The following RTL1 variants were observed in gnomAD, a reference collection of about 807,000 sequenced individuals.
RTL1 encodes retrotransposon Gag like 1, also known as retrotransposon-like protein 1.
For missense variants in RTL1, 1,681 were observed against 1,767.5 expected, an observed-to-expected ratio of 0.95 and a Z score of 0.88; for synonymous variants, 727 against 748.4, an observed-to-expected ratio of 0.97 and a Z score of 0.47.
At chr14:100,885,070 C>A (rs1364334359) in intron 3 of RTL1, among the ~76,000 whole-genome samples, 196 bp from the exon 4 acceptor site, 1 of 152,244 alleles carries the variant, frequency 6.6e-6, no homozygotes, top group Non-Finnish European at 1.5e-5. Context: ...ATCTGTCAAC[C>A]CCTGACCTGC....
In RTL1 at chr14:100,884,756, C is replaced by T. The variant is rs371763274; in HGVS notation, c.33G>A (p.Thr11=). 6.3e-6 allele frequency: 10 copies of T among 1,595,272 alleles called. No individual in the cohort carries two copies. Among genetic ancestry groups the T allele is most frequent in the African/African-American group, 2.7e-5 (2 of 73,906 alleles). MIEPSEDSFE[T]MMEHKNPSSK... The stretch of plus-strand genomic sequence containing the variant: ...ATGATGGATTCTTATGCTCCATCAT[C>T]GTCTCAAATGAGTCTTCAGAGGGTT... Residue 11 remains threonine, a synonymous_variant, in exon 4 of 4, where the codon ACG becomes ACA. Coordinates refer to ENST00000649591, the MANE Select transcript of RTL1 (RefSeq NM_001134888.3).
At chr14:100,897,763 T>TGGGGGGGGG (rs1566760864) in intron 2 of RTL1, 10 of 26,742 alleles carry the variant, frequency 3.7e-4, no homozygotes, top group African/African-American at 5.8e-4. Flanking sequence ...GGGGGGGGGG[T>TGGGGGGGGG]GGGGGGGTGG....
chr14:100,882,718 C>G lies in RTL1; in HGVS notation c.2071G>C (p.Gly691Arg). The G allele has an allele frequency of 6.4e-7, 1 of 1,551,968 alleles. No homozygotes were observed. Among genetic ancestry groups the G allele is most frequent in the Non-Finnish European group, 8.7e-7 (1 of 1,147,070 alleles). The change falls in exon 4 of 4, where the codon GGT (glycine) becomes CGT (arginine). Residue 691 changes from glycine to arginine, a missense_variant. By Grantham distance (125) the Gly-to-Arg change is moderately radical. Coordinates refer to ENST00000649591, the MANE Select transcript of RTL1 (RefSeq NM_001134888.3). ...CTCTTCATCTCTTCAAGCTCCAAAC[C>G]AAACGCTGCTTTCCACACATCTTCG... ...RTEDVWKAAF[G>R]LELEEMKSYQ...
chr14:100,897,782 G>GGGGGGGA (rs2038887536), intron 2 of RTL1: 1 of 168,950 alleles, frequency 5.9e-6, no homozygotes, highest in African/African-American at 3.1e-5. Context: ...GGGGGGCGGG[G>GGGGGGGA]GGGGGCAGTG....
chr14:100,894,320 A>G (rs1379386993), intron 2 of RTL1, among the ~76,000 whole-genome samples: 2 of 141,692 alleles, frequency 1.4e-5, no homozygotes, highest in African/African-American at 2.5e-5. Flanking sequence ...AAAAAAAAAA[A>G]AAAAAAGAAA....
intron 3 of RTL1, among the ~76,000 whole-genome samples, chr14:100,888,640 G>C (rs2038726477): frequency 6.6e-6 from 1 of 152,120 alleles, no homozygotes; most frequent in Admixed American, 6.5e-5. Flanking sequence ...CATAAAATGT[G>C]AATTTTATTT....
intron 3 of RTL1, among the ~76,000 whole-genome samples, chr14:100,891,318 C>T (rs965256946): frequency 8.5e-5 from 13 of 152,318 alleles, no homozygotes; most frequent in African/African-American, 2.6e-4. Flanking sequence ...TGGTCTGGAC[C>T]GAGGTCCTTG....
chr14:100,893,531 T>A lies in RTL1; in HGVS notation c.-148-26A>T, dbSNP rs1390590783. Among the ~76,000 whole-genome samples, 7 of 152,228 alleles carry A rather than the reference T, an allele frequency of 4.6e-5. No homozygotes were observed. Among genetic ancestry groups the A allele is most frequent in the Admixed American group, 4.6e-4 (7 of 15,282 alleles). On this transcript the variant is annotated intron_variant, in intron 2 of 3. Coordinates refer to ENST00000649591, the MANE Select transcript of RTL1 (RefSeq NM_001134888.3). The surrounding 1 kb of genome is among the most constrained non-coding windows in gnomAD (Gnocchi z 4.2). ...CTAAAAAGTTATTGAATACATTTGT[T>A]TCTTTAATTGTGAAAGTCCAGTCTT...
Position 100,882,383 on chromosome 14 carries a change from G to A in RTL1, c.2406C>T (p.Thr802=). 6.4e-7 allele frequency: 1 copy of A among 1,551,782 alleles called. No homozygotes were observed. The highest frequency in any genetic ancestry group is 8.7e-7 in the Non-Finnish European group (1 of 1,146,986). Residue 802 remains threonine, a synonymous_variant, in exon 4 of 4, where the codon ACC becomes ACT. Coordinates refer to ENST00000649591, the MANE Select transcript of RTL1 (RefSeq NM_001134888.3). ...NVMTIITGYP[T]PGSKLSLRNF... is the part of the protein sequence containing the mutation. ...TTCGCAGAGATAGCTTGGAGCCAGGGGTAGGGTACCCTGTTATGATGGTCA... is the reference window on the plus strand; with the variant it reads ...TTCGCAGAGATAGCTTGGAGCCAGGAGTAGGGTACCCTGTTATGATGGTCA...
chr14:100,900,614 C>T (rs1013354400), intron 2 of RTL1, among the ~76,000 whole-genome samples: 1 of 152,154 alleles, frequency 6.6e-6, no homozygotes, highest in Non-Finnish European at 1.5e-5. Flanking sequence ...AGTGTTCCCT[C>T]CGTGTCCGGC....
At position 100,880,865 on chromosome 14, in the gene RTL1, C is replaced by T. The variant is rs1355118428; in HGVS notation, c.3924G>A (p.Leu1308=). Residue 1308 remains leucine, a synonymous_variant, in exon 4 of 4, where the codon CTG becomes CTA. Transcript: ENST00000649591. ...CCCTGGCTGCCTGCTCCCGGCTGAGCAGGTGCAGCTGGCCATCTGCACTGT... is the reference window on the plus strand; with the variant it reads ...CCCTGGCTGCCTGCTCCCGGCTGAGTAGGTGCAGCTGGCCATCTGCACTGT... The part of the protein sequence containing the change: ...HIHSADGQLH[L]LSREQAARAL... 3 of 1,527,648 alleles carry T rather than the reference C, an allele frequency of 2.0e-6. No individual in the cohort carries two copies. Among genetic ancestry groups the T allele is most frequent in the East Asian group, 2.5e-5 (1 of 39,404 alleles). 94.6% of individuals were successfully genotyped at this position (1,527,648 alleles called of 1,614,324 possible).
Position 100,882,338 on chromosome 14 carries a change from G to T in RTL1, c.2451C>A (p.Phe817Leu), listed in dbSNP as rs1235524455. Reference protein sequence around the residue: ...LSLRNFIEFVFPYRHFVERFS... With the variant: ...LSLRNFIEFVLPYRHFVERFS... The stretch of plus-strand genomic sequence containing the variant: ...AGCGCTCCACGAAGTGGCGGTAGGG[G>T]AAGACGAATTCGATGAAGTTTCGCA... Residue 817 changes from phenylalanine to leucine, a missense_variant, in exon 4 of 4, where the codon TTC becomes TTA. Transcript: ENST00000649591. The T allele has an allele frequency of 1.3e-6, 2 of 1,551,704 alleles. No homozygotes were observed. Among genetic ancestry groups the T allele is most frequent in the Non-Finnish European group, 1.7e-6 (2 of 1,146,994 alleles).
chr14:100,884,495 G>A lies in RTL1; in HGVS notation c.294C>T (p.Asp98=), dbSNP rs751262749. Reference sequence around the variant, plus strand: ...GTGAACCGTTGCATGACTCCTCCAGGTCTTGGAGTAGGTCATTGGGTGGAT... The same window carrying A: ...GTGAACCGTTGCATGACTCCTCCAGATCTTGGAGTAGGTCATTGGGTGGAT... ...IEDPPNDLLQ[D]LEESCNGSHQ... Residue 98 remains aspartate (D), a synonymous_variant, in exon 4 of 4, where the codon GAC becomes GAT. Coordinates refer to ENST00000649591, the MANE Select transcript of RTL1 (RefSeq NM_001134888.3). 8 of 1,614,184 alleles carry A rather than the reference G, an allele frequency of 5.0e-6. No homozygotes were observed. Among genetic ancestry groups the A allele is most frequent in the Non-Finnish European group, 6.8e-6 (8 of 1,180,036 alleles).
At chr14:100,885,681 G>A (rs1330970497) in intron 3 of RTL1, among the ~76,000 whole-genome samples, 1 of 152,094 alleles carries the variant, frequency 6.6e-6, no homozygotes, top group Non-Finnish European at 1.5e-5. Flanking sequence ...GAGCTGTTGA[G>A]GAGATCTTCA....
Position 100,882,808 on chromosome 14 carries a change from C to T in RTL1, c.1981G>A (p.Glu661Lys). Residue 661 changes from glutamate to lysine, a missense_variant, in exon 4 of 4, where the codon GAG (glutamate) becomes AAG (lysine). By Grantham distance (56) the Glu-to-Lys change is moderately conservative. Transcript: ENST00000649591. Reference protein sequence around the residue: ...PELFDQLHGAEWFTKLELRGT... With the variant: ...PELFDQLHGAKWFTKLELRGT... The stretch of plus-strand genomic sequence containing the variant: ...CGCAGCTCCAGTTTTGTGAACCACT[C>T]GGCTCCGTGTAACTGGTCAAACAGT... 7 of 1,551,938 alleles carry T rather than the reference C, an allele frequency of 4.5e-6. No individual in the cohort carries two copies. The highest frequency in any genetic ancestry group is 1.2e-5 in the South Asian group (1 of 84,088).
intron 3 of RTL1, among the ~76,000 whole-genome samples, chr14:100,892,203 A>G (rs754303): frequency 0.75 from 113,568 of 152,070 alleles, 42,919 homozygotes; most frequent in African/African-American, 0.86. Flanking sequence ...AGTGGGCTGC[A>G]TGGACAAGCC....
intron 3 of RTL1, among the ~76,000 whole-genome samples, chr14:100,887,651 T>TGG (rs373553785): frequency 0.28 from 42,274 of 151,734 alleles, 6,983 homozygotes; most frequent in Middle Eastern, 0.43. Flanking sequence ...CTACTTCTCC[T>TGG]AGGCTGAGGC....
chr14:100,897,758 G>GGC (rs2038884086), intron 2 of RTL1: 6 of 127,338 alleles, frequency 4.7e-5, no homozygotes, highest in South Asian at 1.3e-4. Context: ...TGGCGGGGGG[G>GGC]GGGGTGGGGG....
rs1409008657 is a variant in RTL1 at position 100,882,214 on chromosome 14, C to T, written c.2575G>A (p.Ala859Thr). 1 of 1,550,876 alleles carries T rather than the reference C, an allele frequency of 6.4e-7. No homozygotes were observed. The highest frequency in any genetic ancestry group is 1.4e-5 in the African/African-American group (1 of 73,152). The change falls in exon 4 of 4, where the codon GCT becomes ACT. Residue 859 changes from alanine to threonine, a missense_variant. Ala to Thr is a moderately conservative substitution (Grantham distance 58, BLOSUM62 0). Coordinates refer to ENST00000649591, the MANE Select transcript of RTL1 (RefSeq NM_001134888.3). ...TGGAGGAGAGGCGCCTTGCGGAAAG[C>T]CCTCTTCAGGCACTCGAAGGCCTCT... ...EQEAFECLKR[A>T]FRKAPLLHHP...
Sources: gnomAD v4.1 joint callset for allele counts (sites outside exome capture counted in the v4.1 genomes callset) on GRCh38, gnomAD v4.1.1 for gene constraint, Gnocchi (gnomAD v3.1) non-coding constraint, MANE v1.5 for transcripts, NCBI Gene and HGNC (gene_info 2026-07-23, HGNC 2026-07-21) for gene names.